NKAIN2: variants seen among roughly 807,000 people sequenced by gnomAD.
NKAIN2 encodes the protein sodium/potassium transporting ATPase interacting 2, also known as sodium/potassium-transporting ATPase subunit beta-1-interacting protein 2.
NKAIN2 carries 14 observed loss-of-function variants against 32.6 expected under a neutral mutation model. The observed-to-expected ratio is 0.43, with a 90% CI of 0.28 to 0.67. The LOEUF (loss-of-function observed/expected upper bound fraction) is 0.67, where lower values mean the gene tolerates loss of function less well. NKAIN2 is among the 30% of genes least tolerant of loss of function. The probability of loss-of-function intolerance (pLI) is 0.17; values close to 1 mark genes in which losing one functional copy is unlikely to be tolerated. For synonymous variants in NKAIN2, 80 were observed against 87.2 expected, an observed-to-expected ratio of 0.92 and a Z score of 0.46; for missense variants, 198 against 258.3, an observed-to-expected ratio of 0.77 and a Z score of 1.60.
intron 1 of NKAIN2, among the ~76,000 whole-genome samples, chr6:123,858,190 A>G (rs1775637788): frequency 6.6e-6 from 1 of 151,062 alleles, no homozygotes; most frequent in African/African-American, 2.4e-5. Context: ...ATCTCAGCTC[A>G]CTGCAACCTC....
At chr6:124,091,661 A>T (rs1186360388) in intron 1 of NKAIN2, among the ~76,000 whole-genome samples, 4 of 149,614 alleles carry the variant, frequency 2.7e-5, no homozygotes, top group East Asian at 3.9e-4. Flanking sequence ...TCAAAGCATT[A>T]TTTTTTTTTT....
At chr6:123,841,450 A>G (rs1774865269) in intron 1 of NKAIN2, among the ~76,000 whole-genome samples, 1 of 152,186 alleles carries the variant, frequency 6.6e-6, no homozygotes, top group Non-Finnish European at 1.5e-5. Flanking sequence ...GCTTTATAAC[A>G]CTATATATTA....
intron 4 of NKAIN2, among the ~76,000 whole-genome samples, chr6:124,689,027 G>A (rs1774133789): frequency 6.6e-6 from 1 of 152,218 alleles, no homozygotes. Context: ...TGGTAAGAGT[G>A]TATTTAGTTT....
intron 3 of NKAIN2, among the ~76,000 whole-genome samples, chr6:124,563,062 C>A (rs1262550998): frequency 2.0e-5 from 3 of 151,898 alleles, no homozygotes; most frequent in Non-Finnish European, 2.9e-5. Context: ...CTCTACCATG[C>A]CCGGCTAATT....
At position 123,933,807 on chromosome 6, in the gene NKAIN2, A is replaced by G. The variant is rs957650446; in HGVS notation, c.54+129553A>G. 2.6e-5 allele frequency among the ~76,000 whole-genome samples: 4 copies of G among 152,248 alleles called. 1 individual carries two copies. The highest frequency in any genetic ancestry group is 2.0e-4 in the Admixed American group (3 of 15,296). On this transcript the variant is annotated intron_variant, in intron 1 of 6. Transcript: ENST00000368417. Reference sequence around the variant, plus strand: ...TCACTTTGAGTCTTGCTGAACTCCCACTTATTTTGAGCTCCCTGGAATTCA... The same window carrying G: ...TCACTTTGAGTCTTGCTGAACTCCCGCTTATTTTGAGCTCCCTGGAATTCA...
chr6:124,746,112 C>T (rs1449679300), intron 4 of NKAIN2, among the ~76,000 whole-genome samples: 1 of 151,822 alleles, frequency 6.6e-6, no homozygotes, highest in Non-Finnish European at 1.5e-5. Flanking sequence ...TGATGTGGCA[C>T]CCCTGCTTTT....
rs111713084 is a variant in NKAIN2, at chr6:123,807,690, A to G, written c.54+3436A>G. ...AAAGAATATAACTTAATTTAGACTG[A>G]AAGGACAGATTTGTTTTCAAGTAAG... is the stretch of plus-strand genomic sequence containing the variant. On this transcript the variant is annotated intron_variant, in intron 1 of 6. Transcript: ENST00000368417. Among the ~76,000 whole-genome samples, 850 of 152,256 alleles carry G rather than the reference A, an allele frequency of 5.6e-3. 11 individuals are homozygous for G. Among genetic ancestry groups the G allele is most frequent in the African/African-American group, 0.02 (818 of 41,558 alleles).
At chr6:124,189,081 T>G (rs1789888366) in intron 1 of NKAIN2, among the ~76,000 whole-genome samples, 1 of 152,136 alleles carries the variant, frequency 6.6e-6, no homozygotes, top group African/African-American at 2.4e-5. Flanking sequence ...TTGTTGCCAA[T>G]TGAAATCATG....
Position 124,205,935 on chromosome 6 carries a change from T to C in NKAIN2, c.55-77070T>C, listed in dbSNP as rs1790857633. Among the ~76,000 whole-genome samples, 2 of 151,932 alleles carry C rather than the reference T, an allele frequency of 1.3e-5. 1 individual carries two copies. The highest frequency in any genetic ancestry group is 4.1e-4 in the South Asian group (2 of 4,838). On this transcript the variant is annotated intron_variant, in intron 1 of 6. Transcript: ENST00000368417. ...CGTAATATACCTTAGTATGTATCTGTGGAAGCATTCTACAAAGAACACAAA... is the reference window on the plus strand; with the variant it reads ...CGTAATATACCTTAGTATGTATCTGCGGAAGCATTCTACAAAGAACACAAA...
chr6:124,372,069 T>A (rs151295162), intron 3 of NKAIN2, among the ~76,000 whole-genome samples: 3 of 152,040 alleles, frequency 2.0e-5, no homozygotes, highest in African/African-American at 7.2e-5. Flanking sequence ...AGTAAAACAA[T>A]TACATATTTA....
rs191834032 is a variant in NKAIN2, at chr6:124,134,760, G to A, written c.55-148245G>A. Among the ~76,000 whole-genome samples the A allele has an allele frequency of 5.0e-3, 755 of 152,222 alleles. 5 individuals are homozygous for A. Among genetic ancestry groups the A allele is most frequent in the Middle Eastern group, 0.02 (6 of 294 alleles). On this transcript the variant is annotated intron_variant, in intron 1 of 6. Coordinates refer to ENST00000368417, the MANE Select transcript of NKAIN2 (RefSeq NM_001040214.3). Reference sequence around the variant, plus strand: ...GGAAAACTTCCCTGGCTTTGCTAGTGATCTAGATATCCAAATACAAGAAGC... The same window carrying A: ...GGAAAACTTCCCTGGCTTTGCTAGTAATCTAGATATCCAAATACAAGAAGC...
intron 3 of NKAIN2, among the ~76,000 whole-genome samples, chr6:124,495,646 C>A (rs1422072068): frequency 5.9e-5 from 9 of 152,108 alleles, no homozygotes; most frequent in Admixed American, 5.9e-4. Flanking sequence ...CAGACTTAGT[C>A]TTTACACTAA....
intron 1 of NKAIN2, among the ~76,000 whole-genome samples, chr6:124,275,947 G>A (rs1282144874): frequency 6.6e-6 from 1 of 151,908 alleles, no homozygotes; most frequent in African/African-American, 2.4e-5. Flanking sequence ...TCCCCATATT[G>A]TAGATGAAGA....
chr6:124,397,370 A>G (rs532552752), intron 3 of NKAIN2, among the ~76,000 whole-genome samples: 111 of 152,240 alleles, frequency 7.3e-4, no homozygotes, highest in Admixed American at 1.2e-3. Flanking sequence ...GTGCTTACCA[A>G]TAATGATGAC....
rs146946297 is a variant in NKAIN2, at chr6:124,460,082, C to A, written c.273+104735C>A. Among the ~76,000 whole-genome samples the A allele has an allele frequency of 2.6e-5, 4 of 151,714 alleles. No homozygotes were observed. In the East Asian group the frequency reaches 7.8e-4, roughly 29 times the overall value. On this transcript the variant is annotated intron_variant, in intron 3 of 6. Coordinates refer to ENST00000368417, the MANE Select transcript of NKAIN2 (RefSeq NM_001040214.3). ...AACCTTAATGTGTTCACTTAATTTA[C>A]AGAGCTATGGTAGATCAAAATCACT...
At chr6:124,543,119 T>A (rs593999) in intron 3 of NKAIN2, among the ~76,000 whole-genome samples, 66,944 of 151,968 alleles carry the variant, frequency 0.44, 15,059 homozygotes, top group African/African-American at 0.53. Flanking sequence ...ATTCCTTTTT[T>A]CTGGATATTT....
intron 1 of NKAIN2, among the ~76,000 whole-genome samples, chr6:123,978,057 T>G (rs9482496): frequency 0.054 from 8,185 of 152,268 alleles, 732 homozygotes; most frequent in African/African-American, 0.18. Context: ...CTTATCATGT[T>G]TATGCACCTT....
intron 1 of NKAIN2, among the ~76,000 whole-genome samples, chr6:124,125,927 C>T (rs967823006): frequency 1.3e-5 from 2 of 152,144 alleles, no homozygotes; most frequent in Non-Finnish European, 2.9e-5. Context: ...TTCCAGGTCA[C>T]ACTCCCCTAG....
intron 1 of NKAIN2, among the ~76,000 whole-genome samples, chr6:124,087,890 A>G (rs994618606): frequency 1.3e-5 from 2 of 152,028 alleles, no homozygotes; most frequent in African/African-American, 4.8e-5. Flanking sequence ...GCCAGTTAAC[A>G]TTCCGAAAAT....
Sources: allele counts gnomAD v4.1 joint callset (sites outside exome capture counted in the v4.1 genomes callset), GRCh38; gene constraint gnomAD v4.1.1; transcripts MANE v1.5; gene names NCBI Gene and HGNC (gene_info 2026-07-23, HGNC 2026-07-21).